DDX53: variants seen among roughly 807,000 people sequenced by gnomAD.
DDX53 encodes the protein DEAD-box helicase 53.
For synonymous variants in DDX53, 179 were observed against 170.8 expected, an observed-to-expected ratio of 1.05 and a Z score of -0.37; for missense variants, 481 against 485.1, an observed-to-expected ratio of 0.99 and a Z score of 0.08.
At position 23,001,391 on chromosome X, in the gene DDX53, T is replaced by C. The variant is rs1204226152; in HGVS notation, c.1334T>C (p.Ile445Thr). 7.5e-6 allele frequency: 9 copies of C among 1,207,369 alleles called. No homozygotes were observed. Among genetic ancestry groups the C allele is most frequent in the East Asian group, 3.0e-5 (1 of 33,701 alleles). ...GCTGTAAATACAGTGAAGCAAAATA[T>C]AATTGTTACCACAGAAAAAGAAAAA... is the stretch of plus-strand genomic sequence containing the variant. Reference protein sequence around the residue: ...LVAVNTVKQNIIVTTEKEKRA... With the variant: ...LVAVNTVKQNTIVTTEKEKRA... Residue 445 changes from isoleucine to threonine, a missense_variant, in exon 1 of 1, where the codon ATA becomes ACA. Physicochemically the swap from Ile to Thr is moderately conservative, Grantham distance 89. Coordinates refer to ENST00000327968, the MANE Select transcript of DDX53 (RefSeq NM_182699.4).
rs956507936 is a variant in DDX53 at position 23,003,476 on chromosome X, G to C, written c.*1523G>C. Reference sequence around the variant, plus strand: ...GAGGTCTCTTTTACCTCTAAAATTCGGTGACATTATAACTAAAACTGTATA... The same window carrying C: ...GAGGTCTCTTTTACCTCTAAAATTCCGTGACATTATAACTAAAACTGTATA... On this transcript the variant is annotated 3_prime_UTR_variant, in exon 1 of 1. Coordinates refer to ENST00000327968, the MANE Select transcript of DDX53 (RefSeq NM_182699.4). 8.1e-6 allele frequency: 1 copy of C among 122,881 alleles called. No individual in the cohort carries two copies. Among genetic ancestry groups the C allele is most frequent in the African/African-American group, 3.3e-5 (1 of 30,669 alleles). 10.1% of individuals were successfully genotyped at this position (122,881 alleles called of 1,213,427 possible).
chrX:23,001,408 A>C lies in DDX53; in HGVS notation c.1351A>C (p.Lys451Gln). 8.3e-7 allele frequency: 1 copy of C among 1,208,558 alleles called. No individual in the cohort carries two copies. Among genetic ancestry groups the C allele is most frequent in the Non-Finnish European group, 1.1e-6 (1 of 893,725 alleles). ...GCAAAATATAATTGTTACCACAGAA[A>C]AAGAAAAACGAGCTCTCACCCAAGA... The part of the protein sequence containing the change: ...VKQNIIVTTE[K>Q]EKRALTQEFV... Residue 451 changes from lysine to glutamine, a missense_variant, in exon 1 of 1, where the codon AAA (lysine) becomes CAA (glutamine). By Grantham distance (53) the Lys-to-Gln change is moderately conservative. Transcript: ENST00000327968.
rs759576330 is a variant in DDX53 at position 23,001,691 on chromosome X, C to G, written c.1634C>G (p.Pro545Arg). ...ACACATGTATATAATTATGATTTCC[C>G]AAGGAATATTGACGTATATGTACAC... ...DVTHVYNYDF[P>R]RNIDVYVHRV... The change falls in exon 1 of 1, where the codon CCA (proline) becomes CGA (arginine). Residue 545 changes from proline (P) to arginine (R), a missense_variant. By Grantham distance (103) the Pro-to-Arg change is moderately radical. Transcript: ENST00000327968. 6 of 1,209,170 alleles carry G rather than the reference C, an allele frequency of 5.0e-6. No individual in the cohort carries two copies. The highest frequency in any genetic ancestry group is 5.9e-5 in the East Asian group (2 of 33,766).
At position 23,000,681 on chromosome X, in the gene DDX53, G is replaced by C; in HGVS notation, c.624G>C (p.Leu208Phe). ...ATTTCAACATAACGTGTGATGACTT[G>C]AAAAGTGGTGAAAAGCGTCTCATTC... is the stretch of plus-strand genomic sequence containing the variant. The part of the protein sequence containing the change: ...KENFNITCDD[L>F]KSGEKRLIPK... The change falls in exon 1 of 1, where the codon TTG becomes TTC. Residue 208 changes from leucine to phenylalanine, a missense_variant. By Grantham distance (22) the Leu-to-Phe change is conservative. Coordinates refer to ENST00000327968, the MANE Select transcript of DDX53 (RefSeq NM_182699.4). 8.3e-7 allele frequency: 1 copy of C among 1,211,531 alleles called. No individual in the cohort carries two copies. The highest frequency in any genetic ancestry group is 1.1e-6 in the Non-Finnish European group (1 of 895,479).
In DDX53 at chrX:23,001,351, A is replaced by T. The variant is rs1450542602; in HGVS notation, c.1294A>T (p.Asn432Tyr). 20 of 1,209,695 alleles carry T rather than the reference A, an allele frequency of 1.7e-5. No individual in the cohort carries two copies. The highest frequency in any genetic ancestry group is 2.3e-4 in the Middle Eastern group (1 of 4,374). ...AGATCCTATGATTGTTTATGTTGGTAATCTGAATCTAGTGGCTGTAAATAC... is the reference window on the plus strand; with the variant it reads ...AGATCCTATGATTGTTTATGTTGGTTATCTGAATCTAGTGGCTGTAAATAC... ...LKDPMIVYVG[N>Y]LNLVAVNTVK... Residue 432 changes from asparagine to tyrosine, a missense_variant, in exon 1 of 1, where the codon AAT becomes TAT. By Grantham distance (143) the Asn-to-Tyr change is moderately radical. Transcript: ENST00000327968.
Position 23,001,893 on chromosome X carries a change from C to G in DDX53, c.1836C>G (p.His612Gln), listed in dbSNP as rs750037498. 4 of 1,203,290 alleles carry G rather than the reference C, an allele frequency of 3.3e-6. No individual in the cohort carries two copies. In the East Asian group the frequency reaches 1.2e-4, roughly 36 times the overall value. ...ACAAGTTAAATCAACAAAAGAGGCA[C>G]AGAGAAACACGATCAAGAAAACCTG... The part of the protein sequence containing the change: ...EQYKLNQQKR[H>Q]RETRSRKPGQ... Residue 612 changes from histidine to glutamine, a missense_variant, in exon 1 of 1, where the codon CAC (histidine) becomes CAG (glutamine). Physicochemically the swap from His to Gln is conservative, Grantham distance 24. Coordinates refer to ENST00000327968, the MANE Select transcript of DDX53 (RefSeq NM_182699.4).
Position 23,000,201 on chromosome X carries a change from A to G in DDX53, c.144A>G (p.Glu48=). 8.4e-7 allele frequency: 1 copy of G among 1,196,682 alleles called. No homozygotes were observed. The highest frequency in any genetic ancestry group is 1.1e-6 in the Non-Finnish European group (1 of 886,872). ...GACCGAGAGCAGCAGGCTCCCGTGA[A>G]CCACCACTCTGCTTTAAAATAAAGA... The part of the protein sequence containing the change: ...HQGPRAAGSR[E]PPLCFKIKNN... Residue 48 remains glutamate, a synonymous_variant, in exon 1 of 1, where the codon GAA becomes GAG. Coordinates refer to ENST00000327968, the MANE Select transcript of DDX53 (RefSeq NM_182699.4).
chrX:23,000,417 C>T lies in DDX53; in HGVS notation c.360C>T (p.Asn120=). The change falls in exon 1 of 1, where the codon AAC becomes AAT. Residue 120 remains asparagine (N), a synonymous_variant. Coordinates refer to ENST00000327968, the MANE Select transcript of DDX53 (RefSeq NM_182699.4). The part of the protein sequence containing the change: ...ETLIRKQESY[N]SESSVDNAAS... ...TTATTAGAAAACAAGAAAGCTACAA[C>T]TCAGAATCCAGTGTGGATAATGCTG... 1 of 1,211,201 alleles carries T rather than the reference C, an allele frequency of 8.3e-7. No individual in the cohort carries two copies. The highest frequency in any genetic ancestry group is 1.7e-5 in the African/African-American group (1 of 57,798).
rs754184957 is a variant in DDX53 at position 23,000,293 on chromosome X, A to T, written c.236A>T (p.Asn79Ile). The change falls in exon 1 of 1, where the codon AAC becomes ATC. Residue 79 changes from asparagine to isoleucine, a missense_variant. Physicochemically the swap from Asn to Ile is moderately radical, Grantham distance 149. Transcript: ENST00000327968. ...ATAAAAGATCTACAACATTCGACAA[A>T]CACTAAAATACAGATCATAAACGGG... The part of the protein sequence containing the change: ...SKIKDLQHST[N>I]TKIQIINGES... 5.0e-6 allele frequency: 6 copies of T among 1,193,507 alleles called. No homozygotes were observed. The East Asian group carries it at 1.8e-4, about 35-fold the overall frequency.
In DDX53 at chrX:23,001,319, A is replaced by C; in HGVS notation, c.1262A>C (p.Tyr421Ser). ...PDTVRQLALS[Y>S]LKDPMIVYVG... Reference sequence around the variant, plus strand: ...ACTGTACGTCAACTAGCACTTTCTTATTTGAAAGATCCTATGATTGTTTAT... The same window carrying C: ...ACTGTACGTCAACTAGCACTTTCTTCTTTGAAAGATCCTATGATTGTTTAT... Residue 421 changes from tyrosine (Y) to serine (S), a missense_variant, in exon 1 of 1, where the codon TAT becomes TCT. Physicochemically the swap from Tyr to Ser is moderately radical, Grantham distance 144 (BLOSUM62 -2). Transcript: ENST00000327968. The C allele has an allele frequency of 8.3e-7, 1 of 1,211,851 alleles. No homozygotes were observed. Among genetic ancestry groups the C allele is most frequent in the African/African-American group, 1.7e-5 (1 of 57,869 alleles).
chrX:23,001,178 T>G lies in DDX53; in HGVS notation c.1121T>G (p.Val374Gly), dbSNP rs994840218. 1 of 1,211,345 alleles carries G rather than the reference T, an allele frequency of 8.3e-7. No individual in the cohort carries two copies. The highest frequency in any genetic ancestry group is 1.1e-6 in the Non-Finnish European group (1 of 895,322). Residue 374 changes from valine (V) to glycine (G), a missense_variant, in exon 1 of 1, where the codon GTT (valine) becomes GGT (glycine). By Grantham distance (109) the Val-to-Gly change is moderately radical. Transcript: ENST00000327968. Reference sequence around the variant, plus strand: ...AACCTAAGAAGCATAACCTACTTGGTTATAGATGAGGCAGATAAAATGCTG... The same window carrying G: ...AACCTAAGAAGCATAACCTACTTGGGTATAGATGAGGCAGATAAAATGCTG... ...SVNLRSITYL[V>G]IDEADKMLDM...
rs777305845 is a variant in DDX53, at chrX:23,001,638, A to G, written c.1581A>G (p.Val527=). The G allele has an allele frequency of 9.1e-6, 11 of 1,209,828 alleles. No individual in the cohort carries two copies. The highest frequency in any genetic ancestry group is 1.7e-5 in the African/African-American group (1 of 57,255). The change falls in exon 1 of 1, where the codon GTA becomes GTG. Residue 527 remains valine (V), a synonymous_variant. Coordinates refer to ENST00000327968, the MANE Select transcript of DDX53 (RefSeq NM_182699.4). The part of the protein sequence containing the change: ...NIKILITTDI[V]SRGLDLNDVT... The stretch of plus-strand genomic sequence containing the variant: ...AGATACTGATTACAACTGATATAGT[A>G]TCCCGAGGTCTTGATCTTAATGATG...
Position 23,000,011 on chromosome X carries a change from A to G in DDX53, c.-47A>G. ...AACAGGCCGCAGACCTGAACTTCCA[A>G]CCGTATGTAGGCGAGAAGCCGGTGC... On this transcript the variant is annotated 5_prime_UTR_variant, in exon 1 of 1. Transcript: ENST00000327968. 1.0e-6 allele frequency: 1 copy of G among 995,969 alleles called. No individual in the cohort carries two copies. The highest frequency in any genetic ancestry group is 4.0e-5 in the South Asian group (1 of 25,006). The allele number at this position is 995,969 out of a possible 1,213,427, so 82.1% of individuals were successfully genotyped here.
chrX:23,001,053 T>C lies in DDX53; in HGVS notation c.996T>C (p.Gly332=). 8.3e-7 allele frequency: 1 copy of C among 1,206,393 alleles called. No individual in the cohort carries two copies. Among genetic ancestry groups the C allele is most frequent in the South Asian group, 1.8e-5 (1 of 55,581 alleles). ...TCAAAAGCATTTGCATATATGGTGG[T>C]AGAAACAGAAATGGACAAATAGAAG... is the stretch of plus-strand genomic sequence containing the variant. ...KGLKSICIYG[G]RNRNGQIEDI... The change falls in exon 1 of 1, where the codon GGT becomes GGC. Residue 332 remains glycine (G), a synonymous_variant. Coordinates refer to ENST00000327968, the MANE Select transcript of DDX53 (RefSeq NM_182699.4).
chrX:23,001,408 A>G lies in DDX53; in HGVS notation c.1351A>G (p.Lys451Glu), dbSNP rs759407567. ...VKQNIIVTTE[K>E]EKRALTQEFV... ...GCAAAATATAATTGTTACCACAGAAAAAGAAAAACGAGCTCTCACCCAAGA... is the reference window on the plus strand; with the variant it reads ...GCAAAATATAATTGTTACCACAGAAGAAGAAAAACGAGCTCTCACCCAAGA... Residue 451 changes from lysine (K) to glutamate (E), a missense_variant, in exon 1 of 1, where the codon AAA (lysine) becomes GAA (glutamate). Lys to Glu is a moderately conservative substitution (Grantham distance 56). Coordinates refer to ENST00000327968, the MANE Select transcript of DDX53 (RefSeq NM_182699.4). 5.0e-6 allele frequency: 6 copies of G among 1,208,558 alleles called. No individual in the cohort carries two copies. The highest frequency in any genetic ancestry group is 5.6e-6 in the Non-Finnish European group (5 of 893,725).
chrX:23,000,830 A>G lies in DDX53; in HGVS notation c.773A>G (p.Gln258Arg). Residue 258 changes from glutamine (Q) to arginine (R), a missense_variant, in exon 1 of 1, where the codon CAA (glutamine) becomes CGA (arginine). Transcript: ENST00000327968. ...IQSQAWPIIL[Q>R]GIDLIVVAQT... Reference sequence around the variant, plus strand: ...TCACAGGCATGGCCAATTATTCTACAAGGAATAGATCTTATAGTAGTTGCA... The same window carrying G: ...TCACAGGCATGGCCAATTATTCTACGAGGAATAGATCTTATAGTAGTTGCA... 1 of 1,211,934 alleles carries G rather than the reference A, an allele frequency of 8.3e-7. No individual in the cohort carries two copies. The highest frequency in any genetic ancestry group is 1.7e-5 in the African/African-American group (1 of 57,860).
chrX:23,001,987 A>C lies in DDX53; in HGVS notation c.*34A>C, dbSNP rs747012036. ...ACCAGGCTACTGGAAGATTCCAGGC[A>C]TGTTAAAGATATGCAGTATTGAATA... On this transcript the variant is annotated 3_prime_UTR_variant, in exon 1 of 1. Transcript: ENST00000327968. 55 of 1,083,737 alleles carry C rather than the reference A, an allele frequency of 5.1e-5. No homozygotes were observed. The highest frequency in any genetic ancestry group is 6.8e-5 in the Non-Finnish European group (55 of 807,892). 89.3% of individuals were successfully genotyped at this position (1,083,737 alleles called of 1,213,427 possible). A position where few individuals can be genotyped will look rare whatever the true frequency, so the allele number is the denominator to read the frequency against.
At position 22,999,966 on chromosome X, in the gene DDX53, T is replaced by C; in HGVS notation, c.-92T>C. 1.3e-6 allele frequency: 1 copy of C among 783,527 alleles called. No homozygotes were observed. The highest frequency in any genetic ancestry group is 1.7e-6 in the Non-Finnish European group (1 of 592,175). 64.6% of individuals were successfully genotyped at this position (783,527 alleles called of 1,213,427 possible). A position where few individuals can be genotyped will look rare whatever the true frequency, so the allele number is the denominator to read the frequency against. ...GGAAATAATTGCCACCGCCATCTTT[T>C]GGTGCAGAAGGTGACGGGAAACAGG... On this transcript the variant is annotated 5_prime_UTR_variant, in exon 1 of 1. Transcript: ENST00000327968.
chrX:23,001,984 G>A lies in DDX53; in HGVS notation c.*31G>A. 9.0e-7 allele frequency: 1 copy of A among 1,109,368 alleles called. No homozygotes were observed. Among genetic ancestry groups the A allele is most frequent in the Non-Finnish European group, 1.2e-6 (1 of 828,682 alleles). 91.4% of individuals were successfully genotyped at this position (1,109,368 alleles called of 1,213,427 possible). A position where few individuals can be genotyped will look rare whatever the true frequency, so the allele number is the denominator to read the frequency against. ...TGTACCAGGCTACTGGAAGATTCCAGGCATGTTAAAGATATGCAGTATTGA... is the reference window on the plus strand; with the variant it reads ...TGTACCAGGCTACTGGAAGATTCCAAGCATGTTAAAGATATGCAGTATTGA... On this transcript the variant is annotated 3_prime_UTR_variant, in exon 1 of 1. Coordinates refer to ENST00000327968, the MANE Select transcript of DDX53 (RefSeq NM_182699.4).
Sources: allele counts gnomAD v4.1 joint callset, GRCh38; gene constraint gnomAD v4.1.1; transcripts MANE v1.5; gene names NCBI Gene and HGNC (gene_info 2026-07-23, HGNC 2026-07-21).